PRIM2: variants seen among roughly 807,000 people sequenced by gnomAD.
PRIM2 encodes DNA primase large subunit.
PRIM2 carries 39 observed loss-of-function variants against 67.3 expected under a neutral mutation model. The ratio of observed to expected loss-of-function variants is 0.58; its 90% CI spans 0.45 to 0.76. The LOEUF (loss-of-function observed/expected upper bound fraction) is 0.76. Ranked by LOEUF, PRIM2 falls within the 30% of genes least tolerant of loss-of-function variation. The pLI is 0.00. For synonymous variants in PRIM2, 143 were observed against 198.7 expected (o/e 0.72, Z 2.36); for missense variants, 398 against 598.7 (o/e 0.66, Z 3.50).
chr6:57,473,681 G>T (rs1368770989), intron 7 of PRIM2, among the ~76,000 whole-genome samples: 1 of 152,008 alleles, frequency 6.6e-6, no homozygotes, highest in African/African-American at 2.4e-5. Context: ...GAACAAAACC[G>T]GGTTGCATTA....
At chr6:57,298,320 C>T in the PRIM2 span, among the ~76,000 whole-genome samples, 4 of 152,074 alleles carry the variant, frequency 2.6e-5, no homozygotes, top group African/African-American at 9.7e-5. Context: ...AAGATTGCGC[C>T]ATTGCACTCC....
At chr6:57,607,663 G>A (rs1776587605) in intron 12 of PRIM2, among the ~76,000 whole-genome samples, 1 of 152,104 alleles carries the variant, frequency 6.6e-6, no homozygotes, top group Admixed American at 6.5e-5. Flanking sequence ...CTTAATTTTA[G>A]TGGTTATAAA....
At chr6:57,276,137 C>G in the PRIM2 span, among the ~76,000 whole-genome samples, 1 of 152,094 alleles carries the variant, frequency 6.6e-6, no homozygotes, top group Non-Finnish European at 1.5e-5. Context: ...CACCTGTAAT[C>G]CCAGCACTTT....
intron 7 of PRIM2, among the ~76,000 whole-genome samples, chr6:57,487,535 A>G (rs1773782855): frequency 6.6e-6 from 1 of 152,238 alleles, no homozygotes; most frequent in South Asian, 2.1e-4. Context: ...GGCCTGATCA[A>G]TGAAATTTGG....
At chr6:57,283,484 A>G in the PRIM2 span, among the ~76,000 whole-genome samples, 2 of 152,174 alleles carry the variant, frequency 1.3e-5, no homozygotes, top group African/African-American at 2.4e-5. Context: ...ACTTCTCCAT[A>G]TAGTTATACC....
chr6:57,244,164 T>C, the PRIM2 span, among the ~76,000 whole-genome samples: 1 of 152,170 alleles, frequency 6.6e-6, no homozygotes, highest in Non-Finnish European at 1.5e-5. Flanking sequence ...ACCAGCCATA[T>C]TGACCGATCA....
intron 7 of PRIM2, among the ~76,000 whole-genome samples, chr6:57,393,500 ATTGT>A (rs1236303968): frequency 5.3e-5 from 8 of 151,832 alleles, no homozygotes; most frequent in Non-Finnish European, 1.2e-4. Flanking sequence ...TTTTGATGGA[ATTGT>A]TTGTTTGTTT....
chr6:57,537,434 T>C lies in PRIM2; in HGVS notation c.835-6T>C. 7.3e-7 allele frequency: 1 copy of C among 1,365,408 alleles called. No individual in the cohort carries two copies. Among genetic ancestry groups the C allele is most frequent in the Non-Finnish European group, 1.0e-6 (1 of 992,332 alleles). The allele number at this position is 1,365,408 out of a possible 1,614,324, so 84.6% of individuals were successfully genotyped here. The stretch of plus-strand genomic sequence containing the variant: ...AACTTAAAACTCTACTATTTTTTTC[T>C]TGTAGCTTTCTACCAAATCCTTCCC... On this transcript the variant is annotated splice_polypyrimidine_tract_variant and splice_region_variant and intron_variant, in intron 9 of 13. Transcript: ENST00000615550.
the PRIM2 span, among the ~76,000 whole-genome samples, chr6:57,296,589 TGGTGGTGGTGGTAGTG>T: frequency 6.6e-6 from 1 of 151,140 alleles, no homozygotes; most frequent in Non-Finnish European, 1.5e-5. Context: ...TAGCGGGGTT[TGGTGGTGGTGGTAGTG>T]GGTGGTGGTG....
At position 57,387,246 on chromosome 6, in the gene PRIM2, G is replaced by A. The variant is rs1255106934; in HGVS notation, c.693+5078G>A. Among the ~76,000 whole-genome samples the A allele has an allele frequency of 4.6e-5, 7 of 152,164 alleles. No homozygotes were observed. The East Asian group carries it at 1.2e-3, about 25-fold the overall frequency. The stretch of plus-strand genomic sequence containing the variant: ...TTTCTCTTAATTCAAATTTTTATCT[G>A]GTATAGCATGTGGCACATAGGGTTA... On this transcript the variant is annotated intron_variant, in intron 7 of 13. Coordinates refer to ENST00000615550, the MANE Select transcript of PRIM2 (RefSeq NM_000947.5).
chr6:57,256,678 C>T, the PRIM2 span, among the ~76,000 whole-genome samples: 43 of 149,438 alleles, frequency 2.9e-4, no homozygotes, highest in Non-Finnish European at 1.5e-4. Flanking sequence ...CATGCAGGCA[C>T]ACACACACAG....
chr6:57,475,520 A>T (rs1381486890), intron 7 of PRIM2, among the ~76,000 whole-genome samples: 3 of 152,188 alleles, frequency 2.0e-5, no homozygotes, highest in Non-Finnish European at 4.4e-5. Flanking sequence ...ATTTTGTAGC[A>T]TATGTCAGTA....
intron 13 of PRIM2, among the ~76,000 whole-genome samples, chr6:57,635,377 A>G (rs1312055469): frequency 2.6e-5 from 4 of 152,230 alleles, no homozygotes; most frequent in Admixed American, 2.0e-4. Context: ...AGTAGATGTT[A>G]AAAGCTGGCC....
At chr6:57,643,418 C>G (rs1777280545) in intron 13 of PRIM2, among the ~76,000 whole-genome samples, 1 of 152,170 alleles carries the variant, frequency 6.6e-6, no homozygotes, top group African/African-American at 2.4e-5. Context: ...TTAATTCAGA[C>G]AAAACCAGTT....
At chr6:57,333,138 G>A (rs931153025) in intron 5 of PRIM2, among the ~76,000 whole-genome samples, 2 of 151,964 alleles carry the variant, frequency 1.3e-5, no homozygotes, top group African/African-American at 4.8e-5. Flanking sequence ...ACAAACTTTT[G>A]TTCCCATATG....
intron 7 of PRIM2, among the ~76,000 whole-genome samples, chr6:57,477,785 A>G (rs1773510525): frequency 6.6e-6 from 1 of 152,226 alleles, no homozygotes; most frequent in African/African-American, 2.4e-5. Context: ...GTTTAAAACC[A>G]GATGATAACC....
intron 7 of PRIM2, among the ~76,000 whole-genome samples, chr6:57,400,259 A>G (rs1003696199): frequency 1.1e-4 from 17 of 152,196 alleles, no homozygotes; most frequent in South Asian, 8.3e-4. Context: ...CTTTCTATAT[A>G]TAATGCTCCT....
intron 5 of PRIM2, among the ~76,000 whole-genome samples, chr6:57,327,635 G>A (rs1166655951): frequency 6.6e-6 from 1 of 152,160 alleles, no homozygotes; most frequent in African/African-American, 2.4e-5. Flanking sequence ...CTTCCACTTT[G>A]CTTTTAACTT....
intron 7 of PRIM2, among the ~76,000 whole-genome samples, chr6:57,457,817 C>G (rs71221653): frequency 0.53 from 81,058 of 152,016 alleles, 22,211 homozygotes; most frequent in South Asian, 0.63. Context: ...CCGACACTCA[C>G]CAGTGAGATG....
Sources: gnomAD v4.1 joint callset for allele counts (sites outside exome capture counted in the v4.1 genomes callset) on GRCh38, gnomAD v4.1.1 for gene constraint, MANE v1.5 for transcripts, NCBI Gene and HGNC (gene_info 2026-07-23, HGNC 2026-07-21) for gene names.